The following RARS2 variants were observed in gnomAD, a reference collection of about 807,000 sequenced individuals.
RARS2 encodes the protein arginyl-tRNA synthetase 2, mitochondrial.
RARS2 carries 67 observed loss-of-function variants against 88.5 expected under a neutral mutation model. The observed-to-expected ratio is 0.76, with a 90% confidence interval of 0.62 to 0.93. The LOEUF is 0.93. RARS2 is among the 40% of genes least tolerant of loss of function. The pLI, the probability that RARS2 is intolerant of heterozygous loss-of-function variation, is 0.00. For missense variants in RARS2, 664 were observed against 684.2 expected, an observed-to-expected ratio of 0.97 and a Z score of 0.33; for synonymous variants, 239 against 230.3, an observed-to-expected ratio of 1.04 and a Z score of -0.34.
At chr6:87,575,123 T>A (rs1770991313) in intron 1 of RARS2, among the ~76,000 whole-genome samples, 1 of 151,742 alleles carries the variant, frequency 6.6e-6, no homozygotes, top group Non-Finnish European at 1.5e-5. Flanking sequence ...CAAGAAAAGA[T>A]AATACAGATT....
rs11965607 is a variant in RARS2, at chr6:87,521,725, A to G, written c.975-201T>C. Among the ~76,000 whole-genome samples, 62,922 of 151,956 alleles carry G rather than the reference A, an allele frequency of 0.41. 13,138 individuals carry two copies. The highest frequency in any genetic ancestry group is 0.48 in the Admixed American group (7,390 of 15,268). ...AAATAGGTTTGGGAAAAACAACAAT[A>G]AAAACACTGGGAAAAGCAAAACCTA... is the stretch of plus-strand genomic sequence containing the variant. On this transcript the variant is annotated intron_variant, in intron 11 of 19. Coordinates refer to ENST00000369536, the MANE Select transcript of RARS2 (RefSeq NM_020320.5).
rs1211477466 is a variant in RARS2, at chr6:87,589,987, C to T, written c.-30G>A. On this transcript the variant is annotated 5_prime_UTR_variant, in exon 1 of 20. Transcript: ENST00000369536. ...ACCTCTACGGAAGTGCGCCGCAGTC[C>T]GCCAGTTCCGGCCTCGCCCCACCTC... The T allele has an allele frequency of 5.6e-6, 9 of 1,614,170 alleles. No homozygotes were observed. Among genetic ancestry groups the T allele is most frequent in the East Asian group, 2.2e-5 (1 of 44,874 alleles).
chr6:87,580,454 T>C (rs1264231356), intron 1 of RARS2, among the ~76,000 whole-genome samples: 1 of 151,974 alleles, frequency 6.6e-6, no homozygotes, highest in Non-Finnish European at 1.5e-5. Flanking sequence ...ACACATTGAA[T>C]GAGGAGCAAA....
chr6:87,519,758 G>T (rs1773236317), intron 13 of RARS2, 51 bp from the exon 14 acceptor site: 2 of 1,609,412 alleles, frequency 1.2e-6, no homozygotes, highest in Middle Eastern at 1.6e-4. Context: ...AGCTGCTGCT[G>T]AAAGCATATA....
chr6:87,589,467 C>T (rs992319133), intron 1 of RARS2, among the ~76,000 whole-genome samples: 3 of 152,228 alleles, frequency 2.0e-5, no homozygotes, highest in Admixed American at 1.3e-4. Context: ...GCTCTTATAT[C>T]TTTGGGCGTT....
intron 10 of RARS2, among the ~76,000 whole-genome samples, chr6:87,525,991 T>A (rs568429226): frequency 4.3e-4 from 66 of 152,230 alleles, no homozygotes; most frequent in Admixed American, 1.2e-3. Context: ...GAAAACTATA[T>A]AACACTGATG....
chr6:87,520,716 G>A (rs753818526), intron 12 of RARS2, among the ~76,000 whole-genome samples: 70 of 152,216 alleles, frequency 4.6e-4, no homozygotes, highest in South Asian at 2.1e-3. Flanking sequence ...AGTTCTCCAG[G>A]GCATTCATTA....
At chr6:87,570,699 C>T (rs924592389) in intron 1 of RARS2, among the ~76,000 whole-genome samples, 8 of 152,234 alleles carry the variant, frequency 5.3e-5, no homozygotes, top group African/African-American at 1.4e-4. Flanking sequence ...ACATTATAGG[C>T]GTAAACCACC....
intron 14 of RARS2, chr6:87,519,208 G>GTGTGTGTGTATATATATATATATA (rs1210109506): frequency 3.9e-6 from 1 of 256,302 alleles, no homozygotes. Context: ...GTGTGTGTGT[G>GTGTGTGTGTATATATATATATATA]TATATATATA....
At chr6:87,527,763 C>T (rs536463516) in intron 10 of RARS2, among the ~76,000 whole-genome samples, 9 of 151,944 alleles carry the variant, frequency 5.9e-5, no homozygotes, top group South Asian at 2.1e-4. Context: ...AAAAACCCAA[C>T]TAAAAAGTGG....
At chr6:87,519,064 C>A in intron 14 of RARS2, 173 bp from the exon 15 acceptor site, 1 of 668,126 alleles carries the variant, frequency 1.5e-6, no homozygotes, top group Non-Finnish European at 2.6e-6. Flanking sequence ...ATTTCCCCTG[C>A]CTACATTAAA....
At chr6:87,527,010 A>G (rs9450726) in intron 10 of RARS2, among the ~76,000 whole-genome samples, 79,475 of 151,506 alleles carry the variant, frequency 0.52, 21,085 homozygotes, top group Admixed American at 0.61. Flanking sequence ...AAATAACACA[A>G]TAAGAAAGGG....
chr6:87,552,848 G>T (rs1004769964), intron 5 of RARS2, among the ~76,000 whole-genome samples: 2 of 152,074 alleles, frequency 1.3e-5, no homozygotes, highest in Non-Finnish European at 2.9e-5. Flanking sequence ...ATGAATGTAC[G>T]GTAACAGGTA....
chr6:87,542,167 T>A (rs967313596), intron 7 of RARS2, among the ~76,000 whole-genome samples, 173 bp from the exon 8 acceptor site: 1 of 152,198 alleles, frequency 6.6e-6, no homozygotes, highest in Non-Finnish European at 1.5e-5. Flanking sequence ...ACAAGTCAAA[T>A]TCAATATATT....
At position 87,578,958 on chromosome 6, in the gene RARS2, CAAAAAAAAA is replaced by C. The variant is rs72383675; in HGVS notation, c.37-9377_37-9369del. On this transcript the variant is annotated intron_variant, in intron 1 of 19. Coordinates refer to ENST00000369536, the MANE Select transcript of RARS2 (RefSeq NM_020320.5). Reference sequence around the variant, plus strand: ...CTGGAGACAGAGCGAGAGACTGTCTCAAAAAAAAAAAAAAAAAAAAAAAAAAGACTAATA... The same window carrying C: ...CTGGAGACAGAGCGAGAGACTGTCTCAAAAAAAAAAAAAAAAAGACTAATA... Among the ~76,000 whole-genome samples, 6 of 41,884 alleles carry C rather than the reference CAAAAAAAAA, an allele frequency of 1.4e-4. 1 individual carries two copies. The Admixed American group carries it at 1.9e-3, about 14-fold the overall frequency. 27.5% of individuals were successfully genotyped at this position (41,884 alleles called of 152,430 possible).
At chr6:87,545,273 A>G (rs1214551722) in intron 7 of RARS2, among the ~76,000 whole-genome samples, 1 of 152,178 alleles carries the variant, frequency 6.6e-6, no homozygotes, top group African/African-American at 2.4e-5. Context: ...TTGTAAAGAC[A>G]GGATTTCGCC....
chr6:87,576,274 CTTTTTTT>C (rs55999428), intron 1 of RARS2, among the ~76,000 whole-genome samples: 5 of 80,806 alleles, frequency 6.2e-5, no homozygotes, highest in Non-Finnish European at 9.2e-5. Flanking sequence ...ACACAAATTT[CTTTTTTT>C]TTTTTTTTTT....
intron 1 of RARS2, among the ~76,000 whole-genome samples, chr6:87,573,352 T>C (rs2128199808): frequency 6.6e-6 from 1 of 152,188 alleles, no homozygotes; most frequent in East Asian, 1.9e-4. Flanking sequence ...TTAGAAACCA[T>C]CCCCATGATC....
chr6:87,532,924 C>T (rs1777982699), intron 8 of RARS2, among the ~76,000 whole-genome samples: 1 of 152,140 alleles, frequency 6.6e-6, no homozygotes, highest in Non-Finnish European at 1.5e-5. Flanking sequence ...GACTTCTTGA[C>T]TTTTGAATGA....
Sources: gnomAD v4.1 joint callset for allele counts (sites outside exome capture counted in the v4.1 genomes callset) on GRCh38, gnomAD v4.1.1 for gene constraint, MANE v1.5 for transcripts, NCBI Gene and HGNC (gene_info 2026-07-23, HGNC 2026-07-21) for gene names.